Variants in SPOCK3 observed in about 807,000 individuals in gnomAD.
The protein encoded by SPOCK3 is testican-3.
Under a neutral mutation model 56.6 loss-of-function variants are expected in SPOCK3, and 30 were observed. The ratio of observed to expected loss-of-function variants is 0.53; its 90% CI spans 0.40 to 0.72. SPOCK3 has a LOEUF of 0.72. SPOCK3 is among the 30% of genes least tolerant of loss of function. The probability of loss-of-function intolerance (pLI) is 0.00; values close to 1 mark genes in which losing one functional copy is unlikely to be tolerated. For missense variants in SPOCK3, 527 were observed against 530.0 expected (o/e 0.99, Z 0.06); for synonymous variants, 196 against 183.3 (o/e 1.07, Z -0.56).
chr4:166,813,681 G>T (rs1313911061), intron 6 of SPOCK3, among the ~76,000 whole-genome samples: 1 of 151,458 alleles, frequency 6.6e-6, no homozygotes, highest in Non-Finnish European at 1.5e-5. Context: ...ATTTTATATT[G>T]CATATAGAGG....
intron 2 of SPOCK3, among the ~76,000 whole-genome samples, chr4:167,092,587 G>A (rs1313902066): frequency 1.3e-5 from 2 of 152,154 alleles, no homozygotes; most frequent in Non-Finnish European, 2.9e-5. Context: ...ATAACTTGGA[G>A]AATATAAATT....
intron 6 of SPOCK3, among the ~76,000 whole-genome samples, chr4:166,868,160 A>G (rs1472496061): frequency 1.3e-5 from 2 of 151,956 alleles, no homozygotes; most frequent in Non-Finnish European, 1.5e-5. Flanking sequence ...AAAATTACCC[A>G]GGTGCCATGG....
intron 3 of SPOCK3, among the ~76,000 whole-genome samples, chr4:167,058,807 A>T (rs982011727): frequency 6.6e-6 from 1 of 152,202 alleles, no homozygotes; most frequent in Non-Finnish European, 1.5e-5. Flanking sequence ...ACAGAGATAT[A>T]GATCAATGGA....
chr4:166,840,771 G>GTTTT (rs70955697), intron 6 of SPOCK3, among the ~76,000 whole-genome samples: 4,714 of 68,106 alleles, frequency 0.069, 956 homozygotes, highest in East Asian at 0.27. Flanking sequence ...AGAAGCAAAA[G>GTTTT]TTTTTTTTTT....
intron 4 of SPOCK3, among the ~76,000 whole-genome samples, chr4:166,914,673 G>A (rs1392228183): frequency 6.6e-6 from 1 of 152,120 alleles, no homozygotes; most frequent in African/African-American, 2.4e-5. Flanking sequence ...AGGAGGCTAA[G>A]GCAGGAGAAT....
chr4:167,169,560 C>G (rs1257482431), intron 2 of SPOCK3, among the ~76,000 whole-genome samples: 3 of 152,140 alleles, frequency 2.0e-5, no homozygotes, highest in Non-Finnish European at 4.4e-5. Flanking sequence ...AAGTAACTAA[C>G]TTGATTTTGA....
intron 6 of SPOCK3, among the ~76,000 whole-genome samples, chr4:166,843,934 G>A (rs1747780675): frequency 1.3e-5 from 2 of 152,164 alleles, no homozygotes; most frequent in Non-Finnish European, 2.9e-5. Flanking sequence ...TAGGTGATGA[G>A]AAACATGGCC....
Position 167,218,874 on chromosome 4 carries a change from G to A in SPOCK3, c.189+15111C>T, listed in dbSNP as rs190891829. On this transcript the variant is annotated intron_variant, in intron 2 of 10. Coordinates refer to ENST00000357545, the MANE Select transcript of SPOCK3 (RefSeq NM_001040159.2). ...CCAAGGATAATGTACTAAGTGTGTG[G>A]TCTATGTACGAATGCTCCTTTGCCT... is the stretch of plus-strand genomic sequence containing the variant. 2.0e-5 allele frequency among the ~76,000 whole-genome samples: 3 copies of A among 152,234 alleles called. No homozygotes were observed. The East Asian group carries it at 5.8e-4, about 29-fold the overall frequency.
At chr4:166,767,816 G>A (rs1040701838) in intron 7 of SPOCK3, among the ~76,000 whole-genome samples, 4 of 152,082 alleles carry the variant, frequency 2.6e-5, no homozygotes, top group Non-Finnish European at 4.4e-5. Flanking sequence ...ATTATTGTGT[G>A]GGAGTCTAAG....
rs147440624 is a variant in SPOCK3, at chr4:166,802,593, C to A, written c.590-10304G>T. On this transcript the variant is annotated intron_variant, in intron 6 of 10. Coordinates refer to ENST00000357545, the MANE Select transcript of SPOCK3 (RefSeq NM_001040159.2). ...GGTACTAATCAAATTCACATGGGCT[C>A]AGCCTTTATGACCTAATCACCTCCC... 2.6e-4 allele frequency among the ~76,000 whole-genome samples: 40 copies of A among 152,102 alleles called. 1 individual carries two copies. The East Asian group carries it at 7.4e-3, about 28-fold the overall frequency.
chr4:166,906,590 A>T (rs1018090174), intron 5 of SPOCK3, among the ~76,000 whole-genome samples: 1 of 151,850 alleles, frequency 6.6e-6, no homozygotes, highest in Non-Finnish European at 1.5e-5. Context: ...GACACAGAAG[A>T]TTGTTTTCTG....
intron 7 of SPOCK3, among the ~76,000 whole-genome samples, chr4:166,780,105 G>T (rs1372478976): frequency 1.8e-4 from 27 of 152,026 alleles, no homozygotes; most frequent in Non-Finnish European, 1.5e-5. Context: ...AGAAAAGTCT[G>T]AGTAATTAGC....
intron 3 of SPOCK3, among the ~76,000 whole-genome samples, chr4:167,002,731 A>G (rs1749066198): frequency 6.6e-6 from 1 of 152,188 alleles, no homozygotes; most frequent in South Asian, 2.1e-4. Flanking sequence ...TCTTCGAAAT[A>G]CTGCACTACA....
chr4:166,735,201 T>C, intron 10 of SPOCK3, 111 bp from the exon 11 acceptor site: 2 of 681,792 alleles, frequency 2.9e-6, no homozygotes, highest in East Asian at 3.0e-5. Flanking sequence ...TAATTTGTTT[T>C]CTATCTTATT....
chr4:166,864,232 A>G (rs1017118930), intron 6 of SPOCK3, among the ~76,000 whole-genome samples: 13 of 152,316 alleles, frequency 8.5e-5, no homozygotes, highest in African/African-American at 3.1e-4. Flanking sequence ...TTTGAAACCA[A>G]TGAGAACAAA....
intron 6 of SPOCK3, among the ~76,000 whole-genome samples, chr4:166,832,122 T>C (rs1746145426): frequency 6.6e-6 from 1 of 152,096 alleles, no homozygotes; most frequent in East Asian, 1.9e-4. Context: ...GTTTTTGTTG[T>C]AATTGCTTTG....
intron 3 of SPOCK3, among the ~76,000 whole-genome samples, chr4:167,052,690 A>G (rs1051344744): frequency 5.3e-5 from 8 of 152,284 alleles, no homozygotes; most frequent in Admixed American, 2.0e-4. Context: ...TGATACCACC[A>G]TGCCCCTATT....
At chr4:166,987,302 G>C (rs1023792213) in intron 4 of SPOCK3, among the ~76,000 whole-genome samples, 9 of 152,088 alleles carry the variant, frequency 5.9e-5, no homozygotes, top group Non-Finnish European at 1.2e-4. Flanking sequence ...ATCTGAAAAT[G>C]ACTCATTTCT....
intron 3 of SPOCK3, among the ~76,000 whole-genome samples, chr4:167,041,424 C>A (rs2150201485): frequency 6.6e-6 from 1 of 152,260 alleles, no homozygotes; most frequent in South Asian, 2.1e-4. Flanking sequence ...TTGAAAACCA[C>A]AAAACTAGTA....
Sources: allele counts gnomAD v4.1 joint callset (sites outside exome capture counted in the v4.1 genomes callset), GRCh38; gene constraint gnomAD v4.1.1; transcripts MANE v1.5; gene names NCBI Gene and HGNC (gene_info 2026-07-23, HGNC 2026-07-21).